The following CSMD1 variants were observed in gnomAD, a reference collection of about 807,000 sequenced individuals.
The protein encoded by CSMD1 is CUB and sushi domain-containing protein 1.
Under a neutral mutation model 417.5 loss-of-function variants are expected in CSMD1, and 213 were observed. That is an observed-to-expected ratio of 0.51 (90% CI 0.46 to 0.57). The LOEUF is 0.57. CSMD1 is among the 20% of genes least tolerant of loss of function. The pLI is 0.00. For missense variants in CSMD1, 6,923 were observed against 4,529.7 expected, an observed-to-expected ratio of 1.53 and a Z score of -15.17; for synonymous variants, 2,862 against 1,736.8, an observed-to-expected ratio of 1.65 and a Z score of -16.11.
rs868175608 is a variant in CSMD1, at chr8:4,156,195, C to G, written c.416-124096G>C. Among the ~76,000 whole-genome samples the G allele has an allele frequency of 3.9e-5, 6 of 152,146 alleles. No homozygotes were observed. In the East Asian group the frequency reaches 5.8e-4, roughly 15 times the overall value. On this transcript the variant is annotated intron_variant, in intron 3 of 69. Transcript: ENST00000635120. ...GGGGTGTGGGAACAAGGTTTCATAT[C>G]TGGACTGGGATCACTGTGATATCCT... is the stretch of plus-strand genomic sequence containing the variant.
chr8:4,764,881 A>ACAAAC (rs1563326743), intron 1 of CSMD1, among the ~76,000 whole-genome samples: 1 of 48,020 alleles, frequency 2.1e-5, no homozygotes, highest in East Asian at 7.6e-4. Context: ...TCAAAAAAAA[A>ACAAAC]AAAAAAAAAA....
intron 3 of CSMD1, among the ~76,000 whole-genome samples, chr8:4,249,928 A>G (rs924408555): frequency 7.9e-5 from 12 of 152,168 alleles, no homozygotes; most frequent in African/African-American, 2.9e-4. Context: ...GGAAGTGTTT[A>G]GGTTATGAGG....
intron 8 of CSMD1, among the ~76,000 whole-genome samples, chr8:3,588,751 C>CT (rs1297519807): frequency 1.5e-5 from 2 of 129,456 alleles, no homozygotes; most frequent in Admixed American, 1.5e-4. Context: ...AACTAAAACC[C>CT]TTACGCACAG....
At chr8:4,722,573 A>T (rs1290914186) in intron 1 of CSMD1, among the ~76,000 whole-genome samples, 1 of 152,110 alleles carries the variant, frequency 6.6e-6, no homozygotes, top group Non-Finnish European at 1.5e-5. Context: ...GATAGTTAGG[A>T]ATGTCTGTGT....
At chr8:4,754,907 G>A (rs1317046530) in intron 1 of CSMD1, among the ~76,000 whole-genome samples, 1 of 151,926 alleles carries the variant, frequency 6.6e-6, no homozygotes, top group African/African-American at 2.4e-5. Flanking sequence ...GTGAATCCAA[G>A]GTGGGTGGAT....
chr8:3,411,153 A>G (rs1812674675), intron 12 of CSMD1, among the ~76,000 whole-genome samples: 1 of 152,172 alleles, frequency 6.6e-6, no homozygotes, highest in Non-Finnish European at 1.5e-5. Flanking sequence ...CTGACTACAG[A>G]CTTAAAAGAT....
chr8:4,759,193 T>C (rs551132168), intron 1 of CSMD1, among the ~76,000 whole-genome samples: 5 of 152,166 alleles, frequency 3.3e-5, no homozygotes, highest in Non-Finnish European at 5.9e-5. Flanking sequence ...TAGTGTTGTC[T>C]TGACTTGAGG....
At chr8:3,979,261 G>A (rs1409534044) in intron 5 of CSMD1, among the ~76,000 whole-genome samples, 1 of 152,130 alleles carries the variant, frequency 6.6e-6, no homozygotes, top group African/African-American at 2.4e-5. Flanking sequence ...TTTTTGTTTT[G>A]GGAGCGGATT....
intron 5 of CSMD1, among the ~76,000 whole-genome samples, chr8:3,993,695 G>C (rs548239483): frequency 2.4e-4 from 36 of 152,262 alleles, no homozygotes; most frequent in Admixed American, 1.4e-3. Context: ...TAAAGTAACA[G>C]ATGTTTCTTT....
At chr8:4,526,143 AGT>A (rs1454814851) in intron 2 of CSMD1, among the ~76,000 whole-genome samples, 4 of 152,210 alleles carry the variant, frequency 2.6e-5, no homozygotes, top group Admixed American at 1.3e-4. Flanking sequence ...AAAGGGAGAA[AGT>A]GTTGTTAAGA....
At chr8:4,272,503 C>G (rs1804668349) in intron 3 of CSMD1, among the ~76,000 whole-genome samples, 1 of 152,028 alleles carries the variant, frequency 6.6e-6, no homozygotes, top group Non-Finnish European at 1.5e-5. Context: ...CACAGTATTT[C>G]AAAAAATACA....
Position 3,847,574 on chromosome 8 carries a change from G to A in CSMD1, c.819-93532C>T, listed in dbSNP as rs1350045626. Among the ~76,000 whole-genome samples the A allele has an allele frequency of 2.0e-5, 3 of 152,246 alleles. No homozygotes were observed. The East Asian group carries it at 5.8e-4, about 29-fold the overall frequency. The stretch of plus-strand genomic sequence containing the variant: ...GGAGTCCTTGACTGCTGCTTCTTGA[G>A]GCCCTGAGAGAAGACTGGGGTAAGG... On this transcript the variant is annotated intron_variant, in intron 5 of 69. Coordinates refer to ENST00000635120, the MANE Select transcript of CSMD1 (RefSeq NM_033225.6).
chr8:3,323,806 G>A (rs939208409), intron 23 of CSMD1, among the ~76,000 whole-genome samples: 1 of 135,540 alleles, frequency 7.4e-6, no homozygotes, highest in Non-Finnish European at 1.6e-5. Flanking sequence ...AGACCCAGGA[G>A]GGGGAGTTTC....
At chr8:4,180,026 C>G (rs1798265960) in intron 3 of CSMD1, among the ~76,000 whole-genome samples, 1 of 152,046 alleles carries the variant, frequency 6.6e-6, no homozygotes, top group South Asian at 2.1e-4. Context: ...GTGGCGATTC[C>G]TCAAGGACCT....
intron 48 of CSMD1, among the ~76,000 whole-genome samples, chr8:3,090,541 C>A (rs368621106): frequency 6.6e-6 from 1 of 152,106 alleles, no homozygotes. Context: ...TGTCTACCAA[C>A]CAGAGTGAGC....
chr8:4,728,734 C>T (rs913896767), intron 1 of CSMD1, among the ~76,000 whole-genome samples: 1 of 151,692 alleles, frequency 6.6e-6, no homozygotes, highest in African/African-American at 2.4e-5. Context: ...AGTAGATGCT[C>T]AATTAATATT....
intron 3 of CSMD1, among the ~76,000 whole-genome samples, chr8:4,183,217 G>A (rs553647440): frequency 2.0e-5 from 3 of 152,082 alleles, no homozygotes; most frequent in Non-Finnish European, 4.4e-5. Flanking sequence ...ACAGAGTTTG[G>A]AAAATGGAGA....
chr8:4,522,975 C>T (rs545279940), intron 2 of CSMD1, among the ~76,000 whole-genome samples: 70 of 152,242 alleles, frequency 4.6e-4, no homozygotes, highest in African/African-American at 1.5e-3. Flanking sequence ...AAGTTAAGAA[C>T]ATGTTCAAAG....
chr8:4,292,621 A>G (rs1052998171), intron 3 of CSMD1, among the ~76,000 whole-genome samples: 1 of 152,152 alleles, frequency 6.6e-6, no homozygotes, highest in Non-Finnish European at 1.5e-5. Context: ...AAACATGTTG[A>G]TATTTTCTGT....
Sources: allele counts gnomAD v4.1 joint callset (sites outside exome capture counted in the v4.1 genomes callset), GRCh38; gene constraint gnomAD v4.1.1; transcripts MANE v1.5; gene names NCBI Gene and HGNC (gene_info 2026-07-23, HGNC 2026-07-21).